Variants in TASOR2 observed in about 807,000 individuals in gnomAD.
TASOR2 encodes protein TASOR 2.
A neutral mutation model predicts 199.5 loss-of-function variants in TASOR2; 84 were observed. The ratio of observed to expected loss-of-function variants is 0.42; its 90% CI spans 0.35 to 0.50. TASOR2 has a LOEUF of 0.50. Ranked by LOEUF, TASOR2 falls within the 20% of genes least tolerant of loss-of-function variation. The pLI is 0.02. For synonymous variants in TASOR2, 1,103 were observed against 1,046.6 expected (o/e 1.05, Z -1.04); for missense variants, 2,796 against 2,835.9 (o/e 0.99, Z 0.32).
chr10:5,707,988 A>G (rs981640484), intron 1 of TASOR2, among the ~76,000 whole-genome samples: 10 of 152,126 alleles, frequency 6.6e-5, no homozygotes, highest in Admixed American at 3.9e-4. Context: ...AACCTCCTTC[A>G]TGAATTATTA....
intron 1 of TASOR2, among the ~76,000 whole-genome samples, chr10:5,694,019 G>T (rs1836819792): frequency 6.6e-6 from 1 of 151,980 alleles, no homozygotes; most frequent in African/African-American, 2.4e-5. Context: ...GTAATCCGAG[G>T]TTTATCTGAG....
intron 12 of TASOR2, among the ~76,000 whole-genome samples, chr10:5,736,429 AAAGAG>A (rs764628261): frequency 1.6e-4 from 22 of 137,144 alleles, no homozygotes; most frequent in Admixed American, 1.4e-4. Flanking sequence ...GAAAAAAAAA[AAAGAG>A]AGAGAGACGG....
At position 5,748,837 on chromosome 10, in the gene TASOR2, G is replaced by A; in HGVS notation, c.5416G>A (p.Gly1806Ser). Residue 1806 changes from glycine to serine, a missense_variant, in exon 15 of 21, where the codon GGT becomes AGT. Transcript: ENST00000328090. This position sits in a 1 kb window ranked among gnomAD's most constrained non-coding sequence, Gnocchi z 5.1. ...TGGGGAGGGGCTCAGGGCTGAGGCT[G>A]GTTCTGAAACCCTAGGCAGAGATGG... 6.2e-7 allele frequency: 1 copy of A among 1,614,184 alleles called. No individual in the cohort carries two copies. The highest frequency in any genetic ancestry group is 8.5e-7 in the Non-Finnish European group (1 of 1,180,038).
At position 5,698,734 on chromosome 10, in the gene TASOR2, G is replaced by T. The variant is rs1837448885; in HGVS notation, c.-288+13559G>T. On this transcript the variant is annotated intron_variant, in intron 1 of 20. Transcript: ENST00000328090. This position sits in a 1 kb window ranked among gnomAD's most constrained non-coding sequence, Gnocchi z 4.4. Reference sequence around the variant, plus strand: ...GTTTGCTGACCTTTTGAAGTAGATGGAAAATGTGACCTAAGGTTTTAATAC... The same window carrying T: ...GTTTGCTGACCTTTTGAAGTAGATGTAAAATGTGACCTAAGGTTTTAATAC... Among the ~76,000 whole-genome samples the T allele has an allele frequency of 1.3e-5, 2 of 152,082 alleles. No individual in the cohort carries two copies. Among genetic ancestry groups the T allele is most frequent in the African/African-American group, 4.8e-5 (2 of 41,414 alleles).
Position 5,706,690 on chromosome 10 carries a change from A to G in TASOR2, c.-287-6133A>G, listed in dbSNP as rs1200976981. The stretch of plus-strand genomic sequence containing the variant: ...GACTACACAGTATGGCTCAGCAATG[A>G]TTAATACATACAGTTAAGTAGTGAA... On this transcript the variant is annotated intron_variant, in intron 1 of 20. Coordinates refer to ENST00000328090, the Ensembl canonical transcript of TASOR2. The surrounding 1 kb of genome is among the most constrained non-coding windows in gnomAD (Gnocchi z 4.8). Among the ~76,000 whole-genome samples, 1 of 152,216 alleles carries G rather than the reference A, an allele frequency of 6.6e-6. No homozygotes were observed. The highest frequency in any genetic ancestry group is 1.5e-5 in the Non-Finnish European group (1 of 68,034).
chr10:5,730,366 T>C lies in TASOR2; in HGVS notation c.488-121T>C, dbSNP rs1249025282. The C allele has an allele frequency of 9.6e-6, 7 of 730,682 alleles. No homozygotes were observed. Among genetic ancestry groups the C allele is most frequent in the Non-Finnish European group, 1.5e-5 (7 of 463,250 alleles). The allele number at this position is 730,682 out of a possible 1,614,324, so 45.3% of individuals were successfully genotyped here. A position where few individuals can be genotyped will look rare whatever the true frequency, so the allele number is the denominator to read the frequency against. On this transcript the variant is annotated intron_variant, in intron 10 of 20. Transcript: ENST00000328090. This position sits in a 1 kb window ranked among gnomAD's most constrained non-coding sequence, Gnocchi z 4.1. ...CTATTAATTGCCATTTAGGTTGTCA[T>C]TTGAAATACTATAACATATTTAACC...
At chr10:5,714,169 GCAGCAGTGCTGTTAC>G in intron 2 of TASOR2, 1 of 1,231,796 alleles carries the variant, frequency 8.1e-7, no homozygotes, top group East Asian at 3.2e-5. Context: ...CTCCGTGTTG[GCAGCAGTGCTGTTAC>G]CACTCTGGGT....
exon 15 of TASOR2, chr10:5,747,220 GTGAGTAGAGAGGTCAGCC>G: frequency 6.2e-7 from 1 of 1,614,154 alleles, no homozygotes; most frequent in Non-Finnish European, 8.5e-7. Flanking sequence ...AAGCCTGTCT[GTGAGTAGAGAGGTCAGCC>G]TAGAGTTATC....
rs1366395401 is a variant in TASOR2, at chr10:5,758,869, A to G, written c.6887-18A>G. The G allele has an allele frequency of 1.3e-6, 2 of 1,555,258 alleles. No homozygotes were observed. Among genetic ancestry groups the G allele is most frequent in the Non-Finnish European group, 1.8e-6 (2 of 1,127,584 alleles). On this transcript the variant is annotated intron_variant, in intron 17 of 20. Transcript: ENST00000328090. ...CTTAAACTTGTCATCTTCTTTTGCT[A>G]CATTTATTGTTTTGTAGTTCAACTG...
chr10:5,695,644 GTC>G (rs1837061473), intron 1 of TASOR2, among the ~76,000 whole-genome samples: 1 of 152,142 alleles, frequency 6.6e-6, no homozygotes, highest in Non-Finnish European at 1.5e-5. Flanking sequence ...CTCTTTGGAA[GTC>G]TCTCTTAAGA....
Position 5,720,314 on chromosome 10 carries a change from T to C in TASOR2, c.-99-230T>C, listed in dbSNP as rs1044703716. On this transcript the variant is annotated intron_variant, in intron 3 of 20. Coordinates refer to ENST00000328090, the Ensembl canonical transcript of TASOR2. The surrounding 1 kb of genome is among the most constrained non-coding windows in gnomAD (Gnocchi z 5.3). ...TACAACTAACTATACTAAGCCATCT[T>C]CTGGCTATGATTGCCACGTGTCTGA... The C allele has an allele frequency of 1.3e-5, 13 of 985,250 alleles. No homozygotes were observed. In the African/African-American group the frequency reaches 1.9e-4, roughly 15 times the overall value. 61.0% of individuals were successfully genotyped at this position (985,250 alleles called of 1,614,324 possible). A position where few individuals can be genotyped will look rare whatever the true frequency, so the allele number is the denominator to read the frequency against.
At position 5,744,136 on chromosome 10, in the gene TASOR2, A is replaced by G. The variant is rs1422632332; in HGVS notation, c.2757+1610A>G. On this transcript the variant is annotated intron_variant, in intron 14 of 20. Transcript: ENST00000328090. ...TCACTATTTGCATTTCACTAAGACTACAGTCATGGTGAGATTTAGGACTGA... is the reference window on the plus strand; with the variant it reads ...TCACTATTTGCATTTCACTAAGACTGCAGTCATGGTGAGATTTAGGACTGA... The G allele has an allele frequency of 2.0e-5, 3 of 152,342 alleles. No homozygotes were observed. In the South Asian group the frequency reaches 6.2e-4, roughly 32 times the overall value. 9.4% of individuals were successfully genotyped at this position (152,342 alleles called of 1,614,324 possible). A position where few individuals can be genotyped will look rare whatever the true frequency, so the allele number is the denominator to read the frequency against.
chr10:5,736,361 T>G (rs1182693376), intron 12 of TASOR2, among the ~76,000 whole-genome samples: 1 of 151,468 alleles, frequency 6.6e-6, no homozygotes, highest in Non-Finnish European at 1.5e-5. Flanking sequence ...GAGGTTGTGG[T>G]GAGCCGAGAT....
intron 1 of TASOR2, among the ~76,000 whole-genome samples, chr10:5,700,794 C>CTG (rs145379583): frequency 0.54 from 81,288 of 149,264 alleles, 22,299 homozygotes; most frequent in Middle Eastern, 0.68. Flanking sequence ...GGGGGTGTGT[C>CTG]TGTGTGTGTG....
chr10:5,728,032 A>G (rs945630287), intron 10 of TASOR2, among the ~76,000 whole-genome samples: 3 of 151,814 alleles, frequency 2.0e-5, no homozygotes, highest in African/African-American at 7.3e-5. Context: ...AGACCAGCCT[A>G]GGCAACATGT....
exon 15 of TASOR2, chr10:5,749,657 T>G: frequency 6.2e-7 from 1 of 1,614,116 alleles, no homozygotes. Context: ...AATAGAGATC[T>G]TAGAAATTCT....
At chr10:5,746,035 A>G in intron 14 of TASOR2, 144 bp from the exon 16 acceptor site, 1 of 917,956 alleles carries the variant, frequency 1.1e-6, no homozygotes, top group South Asian at 2.3e-5. Context: ...GTACCCTGTG[A>G]TATTCTTTTA....
At position 5,736,193 on chromosome 10, in the gene TASOR2, G is replaced by T. The variant is rs369975375; in HGVS notation, c.1447+647G>T. Among the ~76,000 whole-genome samples the T allele has an allele frequency of 7.2e-4, 110 of 152,174 alleles. 1 individual carries two copies. Among genetic ancestry groups the T allele is most frequent in the African/African-American group, 2.6e-3 (108 of 41,534 alleles). ...CCCAGCACTTTGTGAGGCCGAGGTG[G>T]GTGGATCTTGAGGTCAGGAGTTCCA... On this transcript the variant is annotated intron_variant, in intron 12 of 20. Transcript: ENST00000328090.
intron 1 of TASOR2, among the ~76,000 whole-genome samples, chr10:5,691,201 A>G (rs879404511): frequency 6.6e-6 from 1 of 152,004 alleles, no homozygotes. Flanking sequence ...AAAAAAAAAA[A>G]AAAGAAAGTT....
Sources: allele counts gnomAD v4.1 joint callset (sites outside exome capture counted in the v4.1 genomes callset), GRCh38; gene constraint gnomAD v4.1.1; non-coding constraint Gnocchi (gnomAD v3.1); transcripts MANE v1.5; gene names NCBI Gene and HGNC (gene_info 2026-07-23, HGNC 2026-07-21).